The following RALGAPA1 variants were observed in gnomAD, a reference collection of about 807,000 sequenced individuals.
RALGAPA1 encodes the protein ral GTPase-activating protein subunit alpha-1.
A neutral mutation model predicts 269.6 loss-of-function variants in RALGAPA1; 52 were observed. That is an observed-to-expected ratio of 0.19 (90% confidence interval 0.15 to 0.24). RALGAPA1 has a LOEUF of 0.24. Ranked by LOEUF, RALGAPA1 falls within the 10% of genes least tolerant of loss-of-function variation. The pLI, the probability that RALGAPA1 is intolerant of heterozygous loss-of-function variation, is 1.00. For synonymous variants in RALGAPA1, 817 were observed against 1,008.3 expected (o/e 0.81, Z 3.60); for missense variants, 1,917 against 3,013.9 (o/e 0.64, Z 8.52).
At chr14:35,779,069 T>C (rs1021123678) in intron 1 of RALGAPA1, among the ~76,000 whole-genome samples, 4 of 152,186 alleles carry the variant, frequency 2.6e-5, no homozygotes, top group African/African-American at 9.7e-5. Context: ...AAAAAAAGAA[T>C]ACTAAATATT....
chr14:35,588,921 A>C (rs1259014555), intron 37 of RALGAPA1, among the ~76,000 whole-genome samples: 1 of 152,232 alleles, frequency 6.6e-6, no homozygotes, highest in Non-Finnish European at 1.5e-5. Flanking sequence ...ACACTATTCA[A>C]CCTTACAAAT....
At chr14:35,740,654 A>C (rs565511520) in intron 11 of RALGAPA1, among the ~76,000 whole-genome samples, 1 of 152,154 alleles carries the variant, frequency 6.6e-6, no homozygotes, top group East Asian at 1.9e-4. Context: ...AAAAATACAA[A>C]AAAATTAGCC....
chr14:35,585,858 T>C (rs1158660239), intron 37 of RALGAPA1, among the ~76,000 whole-genome samples: 1 of 152,230 alleles, frequency 6.6e-6, no homozygotes, highest in Non-Finnish European at 1.5e-5. Flanking sequence ...ACTGTAGCCT[T>C]GTAGTATAGT....
chr14:35,722,909 AAAAAT>A (rs1378213593), intron 15 of RALGAPA1, 113 bp downstream of exon 15: 11 of 551,040 alleles, frequency 2.0e-5, no homozygotes, highest in Middle Eastern at 5.6e-4. Flanking sequence ...TTTAATTCTT[AAAAAT>A]AAAATATTTA....
At chr14:35,704,100 C>T (rs1440651942) in intron 16 of RALGAPA1, among the ~76,000 whole-genome samples, 1 of 152,082 alleles carries the variant, frequency 6.6e-6, no homozygotes, top group Non-Finnish European at 1.5e-5. Context: ...GTATACATTC[C>T]TATCCATTGG....
At chr14:35,645,346 G>GATGGGTGT in intron 31 of RALGAPA1, among the ~76,000 whole-genome samples, 1 of 129,562 alleles carries the variant, frequency 7.7e-6, no homozygotes, top group South Asian at 2.8e-4. Flanking sequence ...TATAGAGATG[G>GATGGGTGT]GTGTGTGTGT....
chr14:35,637,165 A>C (rs77653724), intron 31 of RALGAPA1, among the ~76,000 whole-genome samples: 5,434 of 152,244 alleles, frequency 0.036, 289 homozygotes, highest in African/African-American at 0.12. Flanking sequence ...CCCACACACC[A>C]ATGAACATCA....
chr14:35,744,371 C>CAAA, intron 10 of RALGAPA1, among the ~76,000 whole-genome samples: 1 of 139,652 alleles, frequency 7.2e-6, no homozygotes, highest in South Asian at 2.3e-4. Flanking sequence ...GACTCCATCT[C>CAAA]AAAAAAAAAA....
intron 7 of RALGAPA1, among the ~76,000 whole-genome samples, chr14:35,752,622 G>T (rs532047399): frequency 6.6e-6 from 1 of 152,124 alleles, no homozygotes; most frequent in Non-Finnish European, 1.5e-5. Context: ...CAGTCTGAGA[G>T]GAGTGAGGAG....
rs145339238 is a variant in RALGAPA1, at chr14:35,685,568, T to A, written c.4078-423A>T. ...GAAAGGGGCGGGGTATATAATGGAG[T>A]TATAGAGAAGTCAAACCCAAATGAA... On this transcript the variant is annotated intron_variant, in intron 19 of 41. Coordinates refer to ENST00000680220, the MANE Select transcript of RALGAPA1 (RefSeq NM_001346249.2). Among the ~76,000 whole-genome samples the A allele has an allele frequency of 3.8e-4, 57 of 151,462 alleles. No homozygotes were observed. In the East Asian group the frequency reaches 8.6e-3, roughly 23 times the overall value.
chr14:35,628,113 C>A (rs1374291698), intron 33 of RALGAPA1, among the ~76,000 whole-genome samples, 162 bp from the exon 34 acceptor site: 8 of 152,086 alleles, frequency 5.3e-5, no homozygotes, highest in Admixed American at 3.9e-4. Flanking sequence ...GAAAACCATT[C>A]TTTGATGAAG....
At chr14:35,792,448 T>C (rs1189276849) in intron 1 of RALGAPA1, among the ~76,000 whole-genome samples, 6 of 150,170 alleles carry the variant, frequency 4.0e-5, no homozygotes, top group African/African-American at 1.2e-4. Flanking sequence ...TGAACCACCA[T>C]GCCAGCTAGT....
chr14:35,582,074 T>C (rs1336958196), intron 37 of RALGAPA1, among the ~76,000 whole-genome samples: 1 of 152,198 alleles, frequency 6.6e-6, no homozygotes, highest in Non-Finnish European at 1.5e-5. Flanking sequence ...TTCTGATGTA[T>C]GCTACAACAT....
At position 35,674,727 on chromosome 14, in the gene RALGAPA1, T is replaced by A; in HGVS notation, c.4625-18A>T. 7.3e-7 allele frequency: 1 copy of A among 1,378,166 alleles called. No homozygotes were observed. Among genetic ancestry groups the A allele is most frequent in the East Asian group, 2.4e-5 (1 of 41,328 alleles). The allele number at this position is 1,378,166 out of a possible 1,614,324, so 85.4% of individuals were successfully genotyped here. ...ACTAATTTCTATAGAAAAAAATATA[T>A]AGTGTCAGCCATTTTTCAGTGAACT... is the stretch of plus-strand genomic sequence containing the variant. On this transcript the variant is annotated intron_variant, in intron 22 of 41. Coordinates refer to ENST00000680220, the MANE Select transcript of RALGAPA1 (RefSeq NM_001346249.2).
chr14:35,723,328 A>T, intron 14 of RALGAPA1, 64 bp from the exon 15 acceptor site: 1 of 884,394 alleles, frequency 1.1e-6, no homozygotes. Flanking sequence ...AAAATCAGAC[A>T]TTCAATTCTT....
At chr14:35,651,105 G>A (rs1425168324) in intron 31 of RALGAPA1, among the ~76,000 whole-genome samples, 1 of 152,006 alleles carries the variant, frequency 6.6e-6, no homozygotes. Flanking sequence ...ACAGGAAAAT[G>A]AAACTCATAG....
chr14:35,721,600 T>C (rs979303439), intron 16 of RALGAPA1, 88 bp downstream of exon 16: 31 of 1,218,770 alleles, frequency 2.5e-5, no homozygotes, highest in Non-Finnish European at 3.4e-5. Context: ...AATCAACTGG[T>C]AAGAAAAATT....
chr14:35,612,073 T>C (rs1442270197), intron 35 of RALGAPA1, among the ~76,000 whole-genome samples: 1 of 151,988 alleles, frequency 6.6e-6, no homozygotes, highest in Non-Finnish European at 1.5e-5. Context: ...GATATCTACA[T>C]GAAAAAGAAT....
chr14:35,616,843 T>C (rs894366034), intron 35 of RALGAPA1, among the ~76,000 whole-genome samples: 1 of 152,118 alleles, frequency 6.6e-6, no homozygotes, highest in African/African-American at 2.4e-5. Context: ...AGGAGCTAGG[T>C]AGTTCTGAGG....
Sources: gnomAD v4.1 joint callset for allele counts (sites outside exome capture counted in the v4.1 genomes callset) on GRCh38, gnomAD v4.1.1 for gene constraint, MANE v1.5 for transcripts, NCBI Gene and HGNC (gene_info 2026-07-23, HGNC 2026-07-21) for gene names.